Variants in NBPF20 observed in about 807,000 individuals in gnomAD.
NBPF20 encodes NBPF member 20, also known as NBPF family member NBPF20.
NBPF20 carries 90 observed loss-of-function variants against 68.1 expected under a neutral mutation model. That is an observed-to-expected ratio of 1.32 (90% CI 1.11 to 1.58). NBPF20 has a LOEUF of 1.58. NBPF20 is among the 40% of genes most tolerant of loss of function. The pLI, the probability that NBPF20 is intolerant of heterozygous loss-of-function variation, is 0.00. For missense variants in NBPF20, 816 were observed against 601.2 expected, an observed-to-expected ratio of 1.36 and a Z score of -3.74; for synonymous variants, 290 against 228.1, an observed-to-expected ratio of 1.27 and a Z score of -2.45.
chr1:145,401,177 C>T, intron 4 of NBPF20, 46 bp from the exon 10 acceptor site: 2 of 1,550,730 alleles, frequency 1.3e-6, no homozygotes, highest in African/African-American at 1.4e-5. Context: ...ACTTCACAGT[C>T]TGCAAGCACA....
intron 3 of NBPF20, 59 bp downstream of exon 8, chr1:145,403,157 G>A (rs199792937): frequency 3.1e-6 from 5 of 1,602,554 alleles, no homozygotes; most frequent in Non-Finnish European, 3.4e-6. Context: ...CCACCGAGCT[G>A]CTGTATTTCA....
exon 138 of NBPF20, chr1:145,291,768 G>A (rs782687091): frequency 8.1e-6 from 13 of 1,611,874 alleles, no homozygotes; most frequent in East Asian, 2.2e-5. Flanking sequence ...ACGCCGTTGA[G>A]CCTGGAAAAG....
At chr1:145,419,628 G>A in the NBPF20 span, among the ~76,000 whole-genome samples, 2 of 151,974 alleles carry the variant, frequency 1.3e-5, no homozygotes, top group Non-Finnish European at 2.9e-5. Context: ...ATTCTCACTG[G>A]ACTTCCCTCC....
intron 79 of NBPF20, among the ~76,000 whole-genome samples, chr1:145,338,219 A>G (rs1410020034): frequency 6.8e-4 from 11 of 16,160 alleles, no homozygotes; most frequent in African/African-American, 3.1e-3. Flanking sequence ...TGCAGTCGCC[A>G]TGAGAATACA....
intron 7 of NBPF20, among the ~76,000 whole-genome samples, chr1:145,396,542 C>T (rs1386585524): frequency 1.2e-4 from 18 of 151,508 alleles, no homozygotes; most frequent in African/African-American, 4.4e-4. Context: ...CCCCAAAACA[C>T]TTAATTGTCA....
chr1:145,413,532 T>C, the NBPF20 span, among the ~76,000 whole-genome samples: 1 of 152,056 alleles, frequency 6.6e-6, no homozygotes, highest in Non-Finnish European at 1.5e-5. Flanking sequence ...ACATTTTGAG[T>C]GCAATAGGAG....
chr1:145,291,526 T>G, exon 138 of NBPF20: 4 of 1,612,002 alleles, frequency 2.5e-6, no homozygotes, highest in Non-Finnish European at 3.4e-6. Context: ...TAAGGGCTGT[T>G]TATTGTGGGA....
In NBPF20 at chr1:145,312,287, C is replaced by A; in HGVS notation, c.13581G>T (p.Leu4527=). The change falls in exon 112 of 138, where the codon CTG becomes CTT. Residue 4527 remains leucine, a synonymous_variant. Coordinates refer to ENST00000369373, the Ensembl canonical transcript of NBPF20. Reference sequence around the variant, plus strand: ...TTCTGTAGGGCTGGCATGAGTCAGTCAGTTCAAGACAACCTGAAGGAGTTG... The same window carrying A: ...TTCTGTAGGGCTGGCATGAGTCAGTAAGTTCAAGACAACCTGAAGGAGTTG... 4 of 122,918 alleles carry A rather than the reference C, an allele frequency of 3.3e-5. 1 individual carries two copies. Among genetic ancestry groups the A allele is most frequent in the African/African-American group, 4.8e-4 (1 of 2,104 alleles). 7.6% of individuals were successfully genotyped at this position (122,918 alleles called of 1,614,324 possible).
exon 3 of NBPF20, chr1:145,403,241 G>T: frequency 6.2e-7 from 1 of 1,612,626 alleles, no homozygotes; most frequent in South Asian, 1.1e-5. Context: ...TGCTTGAGCT[G>T]CTCTGCAAGC....
intron 6 of NBPF20, 41 bp downstream of exon 11, chr1:145,400,348 G>T (rs1242434957): frequency 3.1e-5 from 50 of 1,610,954 alleles, no homozygotes; most frequent in Non-Finnish European, 8.5e-7. Context: ...ATCTTCCTCA[G>T]CCTAGAGAGA....
At chr1:145,292,750 T>C (rs1215844501) in intron 136 of NBPF20, among the ~76,000 whole-genome samples, 3 of 129,402 alleles carry the variant, frequency 2.3e-5, no homozygotes, top group African/African-American at 3.4e-5. Context: ...CAAACAGTTA[T>C]GCCATATTTT....
the NBPF20 span, among the ~76,000 whole-genome samples, chr1:145,410,796 ACGTATATG>A: frequency 9.7e-6 from 1 of 102,760 alleles, no homozygotes; most frequent in African/African-American, 3.9e-5. Flanking sequence ...ACATATATAT[ACGTATATG>A]TATATATATA....
At chr1:145,425,036 G>T in the NBPF20 span, among the ~76,000 whole-genome samples, 1 of 152,162 alleles carries the variant, frequency 6.6e-6, no homozygotes, top group South Asian at 2.1e-4. Context: ...GCGGGGTCAG[G>T]GTCCTCCACA....
At chr1:145,423,786 G>C in the NBPF20 span, among the ~76,000 whole-genome samples, 4 of 152,110 alleles carry the variant, frequency 2.6e-5, no homozygotes, top group African/African-American at 4.8e-5. Context: ...CAAGGATGTG[G>C]GGTAACCAGA....
At chr1:145,394,230 A>G (rs1242701555) in intron 8 of NBPF20, among the ~76,000 whole-genome samples, 2 of 151,898 alleles carry the variant, frequency 1.3e-5, no homozygotes, top group Non-Finnish European at 2.9e-5. Context: ...GTAGGCAAAT[A>G]GTTCTAACAC....
chr1:145,292,389 T>C, exon 137 of NBPF20: 1 of 682,180 alleles, frequency 1.5e-6, no homozygotes. Flanking sequence ...ACCTGGGGCA[T>C]GGTGGGTTTT....
At chr1:145,419,341 G>C in the NBPF20 span, among the ~76,000 whole-genome samples, 1 of 152,194 alleles carries the variant, frequency 6.6e-6, no homozygotes, top group African/African-American at 2.4e-5. Context: ...ACGCTAACTA[G>C]TTATTGGAGA....
chr1:145,394,004 G>T (rs1420240720), intron 8 of NBPF20, 69 bp from the exon 14 acceptor site: 3 of 848,308 alleles, frequency 3.5e-6, no homozygotes, highest in East Asian at 2.4e-5. Context: ...ACATTCCTCT[G>T]TCCAATCCTA....
At chr1:145,400,790 A>G (rs1273847929) in intron 5 of NBPF20, among the ~76,000 whole-genome samples, 196 bp from the exon 11 acceptor site, 6 of 152,094 alleles carry the variant, frequency 3.9e-5, no homozygotes, top group Non-Finnish European at 7.3e-5. Flanking sequence ...CCAGAGAGGA[A>G]GAGAGCAGCT....
Sources: allele counts gnomAD v4.1 joint callset (sites outside exome capture counted in the v4.1 genomes callset), GRCh38; gene constraint gnomAD v4.1.1; transcripts MANE v1.5; gene names NCBI Gene and HGNC (gene_info 2026-07-23, HGNC 2026-07-21).